The following TMIGD3 variants were observed in gnomAD, a reference collection of about 807,000 sequenced individuals.
TMIGD3 encodes the protein AD026 protein (AD026).
Under a neutral mutation model 28.1 loss-of-function variants are expected in TMIGD3, and 21 were observed. The observed-to-expected ratio is 0.75, with a 90% confidence interval of 0.53 to 1.08. The LOEUF (loss-of-function observed/expected upper bound fraction) is 1.08. Ranked by LOEUF, TMIGD3 falls within the 50% of genes least tolerant of loss-of-function variation. TMIGD3 has a pLI of 0.00. For synonymous variants in TMIGD3, 151 were observed against 162.1 expected, an observed-to-expected ratio of 0.93 and a Z score of 0.52; for missense variants, 416 against 435.6, an observed-to-expected ratio of 0.96 and a Z score of 0.40.
chr1:111,510,663 G>A (rs955884543), intron 1 of TMIGD3, among the ~76,000 whole-genome samples: 1 of 152,024 alleles, frequency 6.6e-6, no homozygotes, highest in Non-Finnish European at 1.5e-5. Context: ...AATTCTGTCA[G>A]GCCCTGTTTT....
At chr1:111,503,681 A>G, upstream of TMIGD3, 1 of 1,080,480 alleles carries the variant, frequency 9.3e-7, no homozygotes, top group Non-Finnish European at 1.1e-6. Context: ...GATGTCCTCA[A>G]CGCCTCTGCC....
chr1:111,507,158 C>T (rs1261186466), upstream of TMIGD3, among the ~76,000 whole-genome samples: 1 of 151,506 alleles, frequency 6.6e-6, no homozygotes, highest in African/African-American at 2.4e-5. Context: ...TGTGGTGGCT[C>T]AGCCTGCAAC....
chr1:111,498,232 C>T (rs190200094), intron 1 of TMIGD3, among the ~76,000 whole-genome samples: 44 of 152,318 alleles, frequency 2.9e-4, no homozygotes, highest in East Asian at 9.6e-4. Flanking sequence ...TTTTCAGATA[C>T]GCTTACCCAC....
At chr1:111,498,898 G>A (rs957966008) in intron 1 of TMIGD3, among the ~76,000 whole-genome samples, 4 of 152,106 alleles carry the variant, frequency 2.6e-5, no homozygotes, top group East Asian at 1.9e-4. Context: ...ACCAGCCTGA[G>A]TAACATAAAG....
intron 1 of TMIGD3, among the ~76,000 whole-genome samples, chr1:111,530,719 G>GT (rs199931269): frequency 8.6e-5 from 13 of 151,942 alleles, no homozygotes; most frequent in African/African-American, 2.9e-4. Context: ...TAATGTAGGG[G>GT]TTTTTTTTCT....
chr1:111,526,332 C>T (rs1656260782), intron 1 of TMIGD3, among the ~76,000 whole-genome samples: 1 of 152,118 alleles, frequency 6.6e-6, no homozygotes, highest in Non-Finnish European at 1.5e-5. Flanking sequence ...CCATGCTATT[C>T]TTGTGATAAT....
At chr1:111,527,661 G>A (rs1261980245) in intron 1 of TMIGD3, among the ~76,000 whole-genome samples, 1 of 152,160 alleles carries the variant, frequency 6.6e-6, no homozygotes, top group Admixed American at 6.5e-5. Flanking sequence ...ATCCTTACCA[G>A]CATTTAGTGC....
chr1:111,545,106 A>G (rs1156371866), intron 1 of TMIGD3, among the ~76,000 whole-genome samples: 2 of 148,242 alleles, frequency 1.3e-5, no homozygotes, highest in Non-Finnish European at 3.0e-5. Context: ...GGGTATATCC[A>G]ATTTGGTATA....
chr1:111,534,185 T>C (rs958037964), intron 1 of TMIGD3, among the ~76,000 whole-genome samples: 15 of 152,218 alleles, frequency 9.9e-5, no homozygotes, highest in African/African-American at 3.4e-4. Flanking sequence ...TACAAACTTA[T>C]ATCACCTAAT....
intron 1 of TMIGD3, among the ~76,000 whole-genome samples, chr1:111,530,029 C>T (rs1056018674): frequency 2.0e-5 from 3 of 148,644 alleles, no homozygotes; most frequent in African/African-American, 2.5e-5. Flanking sequence ...CCGGACGGGG[C>T]GGCTGGCCGG....
intron 1 of TMIGD3, among the ~76,000 whole-genome samples, chr1:111,555,502 A>G (rs1020611562): frequency 3.3e-5 from 5 of 152,084 alleles, no homozygotes; most frequent in African/African-American, 1.2e-4. Context: ...CACCCAGAAG[A>G]ATTAGTAAAT....
chr1:111,547,382 A>G (rs1297727001), intron 1 of TMIGD3, among the ~76,000 whole-genome samples: 1 of 152,032 alleles, frequency 6.6e-6, no homozygotes, highest in South Asian at 2.1e-4. Flanking sequence ...TTAATATTAT[A>G]TTGATTAATT....
chr1:111,516,851 T>C (rs1655882991), intron 1 of TMIGD3, among the ~76,000 whole-genome samples: 1 of 152,368 alleles, frequency 6.6e-6, no homozygotes, highest in African/African-American at 2.4e-5. Context: ...GCCCCAGCCC[T>C]GAGTGTTGAT....
At chr1:111,511,996 T>C (rs1456113241) in intron 1 of TMIGD3, among the ~76,000 whole-genome samples, 1 of 141,462 alleles carries the variant, frequency 7.1e-6, no homozygotes, top group African/African-American at 2.9e-5. Flanking sequence ...GAGTAGCCAG[T>C]TCAGGGTCAA....
At chr1:111,536,030 G>C (rs188787408) in intron 1 of TMIGD3, among the ~76,000 whole-genome samples, 1 of 152,040 alleles carries the variant, frequency 6.6e-6, no homozygotes, top group Non-Finnish European at 1.5e-5. Flanking sequence ...AGAGAATTTC[G>C]TTCCATTTAA....
At chr1:111,522,085 C>T (rs189160219) in intron 1 of TMIGD3, among the ~76,000 whole-genome samples, 141 of 152,226 alleles carry the variant, frequency 9.3e-4, no homozygotes, top group Non-Finnish European at 4.0e-4. Flanking sequence ...GGTTTATTTC[C>T]ATTTTTGCTC....
Position 111,503,448 on chromosome 1 carries a change from A to C in TMIGD3, c.-94T>G, listed in dbSNP as rs973990734. 2.7e-6 allele frequency: 4 copies of C among 1,487,914 alleles called. No homozygotes were observed. The highest frequency in any genetic ancestry group is 2.8e-5 in the African/African-American group (2 of 71,536). The allele number at this position is 1,487,914 out of a possible 1,614,324, so 92.2% of individuals were successfully genotyped here. A position where few individuals can be genotyped will look rare whatever the true frequency, so the allele number is the denominator to read the frequency against. The stretch of plus-strand genomic sequence containing the variant: ...CCTAGCTCTCGCCAGACGTCTTCCC[A>C]GAGGTCCATGTGCAGTGACAGTCTA... On this transcript the variant is annotated 5_prime_UTR_variant, in exon 1 of 6. Coordinates refer to ENST00000369716, the MANE Select transcript of TMIGD3 (RefSeq NM_020683.7).
intron 1 of TMIGD3, among the ~76,000 whole-genome samples, chr1:111,492,452 T>C (rs1654708743): frequency 1.3e-5 from 2 of 152,086 alleles, no homozygotes; most frequent in African/African-American, 4.8e-5. Flanking sequence ...GATGGCAACA[T>C]GAAACCAAAG....
intron 1 of TMIGD3, chr1:111,500,833 G>C: frequency 1.9e-6 from 1 of 520,190 alleles, no homozygotes; most frequent in Non-Finnish European, 3.4e-6. Flanking sequence ...TGGATAAGGA[G>C]GATGTTGCCT....
Sources: allele counts gnomAD v4.1 joint callset (sites outside exome capture counted in the v4.1 genomes callset), GRCh38; gene constraint gnomAD v4.1.1; transcripts MANE v1.5; gene names NCBI Gene and HGNC (gene_info 2026-07-23, HGNC 2026-07-21).